The following NEK6 variants were observed in gnomAD, a reference collection of about 807,000 sequenced individuals.
NEK6 encodes the protein NIMA related kinase 6.
A neutral mutation model predicts 43.5 loss-of-function variants in NEK6; 27 were observed. That is an observed-to-expected ratio of 0.62 (90% confidence interval 0.46 to 0.86). NEK6 has a LOEUF of 0.86. Ranked by LOEUF, NEK6 falls within the 40% of genes least tolerant of loss-of-function variation. The pLI is 0.00. For synonymous variants in NEK6, 167 were observed against 164.1 expected, an observed-to-expected ratio of 1.02 and a Z score of -0.14; for missense variants, 318 against 414.4, an observed-to-expected ratio of 0.77 and a Z score of 2.02.
intron 1 of NEK6, among the ~76,000 whole-genome samples, chr9:124,290,484 C>T (rs1832367623): frequency 6.6e-6 from 1 of 152,382 alleles, no homozygotes; most frequent in South Asian, 2.1e-4. Context: ...ATCTCACTCA[C>T]GCGTCCTCCA....
At chr9:124,348,828 G>C (rs185851070) in intron 9 of NEK6, among the ~76,000 whole-genome samples, 1 of 152,380 alleles carries the variant, frequency 6.6e-6, no homozygotes, top group East Asian at 1.9e-4. Context: ...CTCATGTTCA[G>C]ACTTCCTGAG....
chr9:124,287,920 AG>A (rs1832234405), intron 1 of NEK6, among the ~76,000 whole-genome samples: 1 of 152,222 alleles, frequency 6.6e-6, no homozygotes, highest in Non-Finnish European at 1.5e-5. Flanking sequence ...GTAAATATAT[AG>A]GGTCTCTCAC....
At chr9:124,293,929 G>A (rs949669187) in intron 1 of NEK6, among the ~76,000 whole-genome samples, 1 of 151,118 alleles carries the variant, frequency 6.6e-6, no homozygotes, top group African/African-American at 2.4e-5. Context: ...AAGGGAAGAA[G>A]GGGCCTTGGT....
chr9:124,319,038 G>T (rs911915129), intron 4 of NEK6, among the ~76,000 whole-genome samples: 19 of 151,910 alleles, frequency 1.3e-4, no homozygotes, highest in Admixed American at 1.1e-3. Context: ...AAACTGGAGT[G>T]CAGTGGCACA....
At chr9:124,331,284 T>C (rs1221713792) in intron 7 of NEK6, among the ~76,000 whole-genome samples, 1 of 128,726 alleles carries the variant, frequency 7.8e-6, no homozygotes, top group Non-Finnish European at 1.7e-5. Context: ...CAAAACATTT[T>C]GCTCATTTTG....
intron 1 of NEK6, among the ~76,000 whole-genome samples, chr9:124,282,991 G>T (rs1483121612): frequency 6.6e-6 from 1 of 152,232 alleles, no homozygotes; most frequent in East Asian, 1.9e-4. Context: ...CTGTGGGGCA[G>T]GAAGGAGGGA....
At chr9:124,284,551 T>C (rs1832067393) in intron 1 of NEK6, among the ~76,000 whole-genome samples, 1 of 152,268 alleles carries the variant, frequency 6.6e-6, no homozygotes, top group South Asian at 2.1e-4. Context: ...GGGGATTTTC[T>C]GGGCGTTCAG....
intron 1 of NEK6, chr9:124,258,410 G>T: frequency 7.7e-6 from 7 of 912,736 alleles, no homozygotes; most frequent in Non-Finnish European, 9.2e-6. Flanking sequence ...CCCACTTCCC[G>T]AGTGGGGACG....
intron 1 of NEK6, among the ~76,000 whole-genome samples, chr9:124,269,547 T>C (rs897989536): frequency 1.3e-5 from 2 of 152,014 alleles, no homozygotes; most frequent in Admixed American, 1.3e-4. Context: ...CTAATTTTTT[T>C]TTGTATTTTT....
intron 1 of NEK6, chr9:124,291,964 C>T: frequency 1.0e-6 from 1 of 986,628 alleles, no homozygotes; most frequent in Non-Finnish European, 1.2e-6. Context: ...AGAGGCCCTT[C>T]TTCCTGCACC....
At chr9:124,334,354 T>G (rs1206252555) in intron 7 of NEK6, among the ~76,000 whole-genome samples, 1 of 152,210 alleles carries the variant, frequency 6.6e-6, no homozygotes, top group African/African-American at 2.4e-5. Context: ...GATGGCAATT[T>G]GCAACACTAG....
chr9:124,322,081 G>A (rs986460465), intron 5 of NEK6, among the ~76,000 whole-genome samples: 2 of 152,322 alleles, frequency 1.3e-5, no homozygotes, highest in Non-Finnish European at 2.9e-5. Context: ...GAGGTTAAGA[G>A]ACTTGCCTGA....
chr9:124,290,279 C>T (rs1299988950), intron 1 of NEK6, among the ~76,000 whole-genome samples: 2 of 152,216 alleles, frequency 1.3e-5, no homozygotes, highest in Non-Finnish European at 2.9e-5. Context: ...TTGTAGGGGA[C>T]ATGGATCTGT....
intron 7 of NEK6, among the ~76,000 whole-genome samples, chr9:124,330,590 A>G (rs917092674): frequency 1.3e-5 from 2 of 152,256 alleles, no homozygotes; most frequent in African/African-American, 4.8e-5. Flanking sequence ...GGGTGACCCC[A>G]TCAGGTACTC....
At chr9:124,306,797 G>A (rs1415669410) in intron 2 of NEK6, among the ~76,000 whole-genome samples, 1 of 152,198 alleles carries the variant, frequency 6.6e-6, no homozygotes, top group Admixed American at 6.5e-5. Flanking sequence ...GTGCCCTTTT[G>A]TGCAACACAG....
chr9:124,327,905 A>G (rs1588520805), intron 7 of NEK6, among the ~76,000 whole-genome samples: 2 of 152,286 alleles, frequency 1.3e-5, no homozygotes, highest in South Asian at 2.1e-4. Flanking sequence ...GCTGGACCAT[A>G]AAGGGAGACC....
intron 1 of NEK6, among the ~76,000 whole-genome samples, chr9:124,294,709 T>C (rs1298811542): frequency 1.3e-5 from 2 of 152,126 alleles, no homozygotes; most frequent in African/African-American, 2.4e-5. Context: ...GGCAAATGCA[T>C]GAGGGCAGGC....
At chr9:124,292,606 TGTCA>T (rs1298539594) in intron 1 of NEK6, 29 of 1,525,942 alleles carry the variant, frequency 1.9e-5, no homozygotes, top group Middle Eastern at 1.7e-4. Context: ...CTTCTTCCAC[TGTCA>T]GTCAGCAGGG....
At chr9:124,292,615 G>A (rs1291858259) in intron 1 of NEK6, 2 of 1,510,030 alleles carry the variant, frequency 1.3e-6, no homozygotes, top group African/African-American at 1.4e-5. Context: ...CTGTCAGTCA[G>A]CAGGGTAGTA....
Sources: gnomAD v4.1 joint callset for allele counts (sites outside exome capture counted in the v4.1 genomes callset) on GRCh38, gnomAD v4.1.1 for gene constraint, MANE v1.5 for transcripts, NCBI Gene and HGNC (gene_info 2026-07-23, HGNC 2026-07-21) for gene names.